FHIT: variants seen among roughly 807,000 people sequenced by gnomAD.
FHIT encodes fragile histidine triad diadenosine triphosphatase.
Under a neutral mutation model 17.9 loss-of-function variants are expected in FHIT, and 19 were observed. The observed-to-expected ratio is 1.06, with a 90% confidence interval of 0.74 to 1.56. FHIT has a LOEUF of 1.56. Among genes scored for constraint, FHIT ranks in the 40% most tolerant of loss-of-function variants. FHIT has a pLI of 0.00. For missense variants in FHIT, 248 were observed against 189.2 expected, an observed-to-expected ratio of 1.31 and a Z score of -1.82; for synonymous variants, 81 against 69.7, an observed-to-expected ratio of 1.16 and a Z score of -0.81.
At chr3:61,224,867 CAT>C (rs759708166) in intron 1 of FHIT, among the ~76,000 whole-genome samples, 13 of 152,122 alleles carry the variant, frequency 8.5e-5, no homozygotes, top group African/African-American at 2.7e-4. Flanking sequence ...CACACACACA[CAT>C]ATATATATAC....
At chr3:60,080,858 T>G (rs887300817) in intron 5 of FHIT, 1 of 152,114 alleles carries the variant, frequency 6.6e-6, no homozygotes, top group Non-Finnish European at 1.5e-5. Context: ...ATGCAAACAC[T>G]TGGATGAAAT....
At chr3:60,687,038 A>G (rs192015956) in intron 4 of FHIT, among the ~76,000 whole-genome samples, 1 of 152,334 alleles carries the variant, frequency 6.6e-6, no homozygotes, top group Non-Finnish European at 1.5e-5. Flanking sequence ...AACTTTTACA[A>G]AAATCACAAG....
intron 4 of FHIT, among the ~76,000 whole-genome samples, chr3:60,732,996 T>C (rs141766796): frequency 1.7e-4 from 26 of 152,328 alleles, no homozygotes; most frequent in African/African-American, 5.3e-4. Context: ...TGATTGCATA[T>C]GAAATGCACT....
At chr3:60,974,486 T>C (rs1297106770) in intron 3 of FHIT, among the ~76,000 whole-genome samples, 2 of 152,066 alleles carry the variant, frequency 1.3e-5, no homozygotes, top group Non-Finnish European at 2.9e-5. Flanking sequence ...AATGTGGTTA[T>C]CACCACGTAA....
chr3:60,707,175 C>T (rs2041394788), intron 4 of FHIT, among the ~76,000 whole-genome samples: 1 of 152,164 alleles, frequency 6.6e-6, no homozygotes, highest in African/African-American at 2.4e-5. Context: ...TTTAGTAGCT[C>T]CAAAAAGCCC....
chr3:59,854,809 G>C (rs1173156091), intron 8 of FHIT, among the ~76,000 whole-genome samples: 2 of 151,966 alleles, frequency 1.3e-5, no homozygotes, highest in African/African-American at 4.8e-5. Context: ...TGAGCAGAGA[G>C]AGAGGAGCCA....
chr3:60,281,631 A>G (rs185135536), intron 5 of FHIT, among the ~76,000 whole-genome samples: 10,193 of 132,876 alleles, frequency 0.077, 475 homozygotes, highest in South Asian at 0.12. Context: ...AAAAAAAAAA[A>G]GGGGGGATCT....
chr3:60,213,383 C>T (rs771285488), intron 5 of FHIT, among the ~76,000 whole-genome samples: 1 of 152,124 alleles, frequency 6.6e-6, no homozygotes, highest in African/African-American at 2.4e-5. Context: ...CAGATTTCAC[C>T]GAAGCAATCT....
chr3:60,029,893 GTGTC>G (rs1232375230), intron 5 of FHIT, among the ~76,000 whole-genome samples: 15 of 108,324 alleles, frequency 1.4e-4, no homozygotes, highest in African/African-American at 2.9e-4. Context: ...GTGTGTGTGT[GTGTC>G]TGTGTGTGTG....
chr3:59,849,846 G>C (rs1182780817), intron 8 of FHIT, among the ~76,000 whole-genome samples: 1 of 152,166 alleles, frequency 6.6e-6, no homozygotes, highest in Admixed American at 6.5e-5. Flanking sequence ...GAAGGAAAAA[G>C]CATAATTTAA....
At chr3:60,618,882 A>G (rs952764844) in intron 4 of FHIT, among the ~76,000 whole-genome samples, 2 of 152,172 alleles carry the variant, frequency 1.3e-5, no homozygotes, top group Admixed American at 1.3e-4. Context: ...GGAAGGGACC[A>G]TAAGCCAAAG....
chr3:60,848,355 T>G (rs1703009170), intron 3 of FHIT, among the ~76,000 whole-genome samples: 1 of 152,182 alleles, frequency 6.6e-6, no homozygotes, highest in Admixed American at 6.5e-5. Context: ...TTTTTTGCAA[T>G]TTTAACTAAA....
At chr3:60,501,054 T>A (rs946717227) in intron 5 of FHIT, among the ~76,000 whole-genome samples, 1 of 152,186 alleles carries the variant, frequency 6.6e-6, no homozygotes, top group African/African-American at 2.4e-5. Context: ...TCAAGATCTG[T>A]TGAACTGAAT....
chr3:59,821,310 T>A (rs1700778302), intron 8 of FHIT, among the ~76,000 whole-genome samples: 1 of 152,212 alleles, frequency 6.6e-6, no homozygotes, highest in Non-Finnish European at 1.5e-5. Context: ...CAGAAGCAAC[T>A]GATGTTGGCT....
chr3:59,792,901 A>G (rs1481481465), intron 8 of FHIT, among the ~76,000 whole-genome samples: 2 of 151,598 alleles, frequency 1.3e-5, no homozygotes. Context: ...CCTCCTTGAA[A>G]ATCTGATGAA....
At chr3:60,204,903 G>C (rs28563777) in intron 5 of FHIT, among the ~76,000 whole-genome samples, 2,179 of 151,944 alleles carry the variant, frequency 0.014, 58 homozygotes, top group African/African-American at 0.049. Context: ...ATTAAAAGTA[G>C]GTTATTAGTG....
intron 4 of FHIT, among the ~76,000 whole-genome samples, chr3:60,737,111 T>C (rs2042148803): frequency 6.6e-6 from 1 of 152,232 alleles, no homozygotes. Context: ...GTTAACAGCA[T>C]GCAACATATT....
chr3:60,786,643 ATATAAT>A (rs1700587245), intron 4 of FHIT, among the ~76,000 whole-genome samples: 1 of 152,216 alleles, frequency 6.6e-6, no homozygotes, highest in Non-Finnish European at 1.5e-5. Context: ...TAACTTTTAT[ATATAAT>A]TATAATTATC....
intron 5 of FHIT, among the ~76,000 whole-genome samples, chr3:60,369,839 A>G (rs1700251546): frequency 1.3e-5 from 2 of 152,192 alleles, no homozygotes; most frequent in African/African-American, 4.8e-5. Context: ...CACTCTGTGA[A>G]TATACAGCCT....
Sources: gnomAD v4.1 joint callset for allele counts (sites outside exome capture counted in the v4.1 genomes callset) on GRCh38, gnomAD v4.1.1 for gene constraint, MANE v1.5 for transcripts, NCBI Gene and HGNC (gene_info 2026-07-23, HGNC 2026-07-21) for gene names.